Variants in TRAPPC9 observed in about 807,000 individuals in gnomAD.
TRAPPC9 encodes trafficking protein particle complex subunit 9, also known as IKK2 binding protein.
A neutral mutation model predicts 124.0 loss-of-function variants in TRAPPC9; 83 were observed. The ratio of observed to expected loss-of-function variants is 0.67; its 90% CI spans 0.56 to 0.80. The LOEUF is 0.80. Among genes scored for constraint, TRAPPC9 ranks in the 30% least tolerant of loss-of-function variants. The probability of loss-of-function intolerance (pLI) is 0.00; values close to 1 mark genes in which losing one functional copy is unlikely to be tolerated. For synonymous variants in TRAPPC9, 638 were observed against 617.5 expected (o/e 1.03, Z -0.49); for missense variants, 1,302 against 1,508.3 (o/e 0.86, Z 2.27).
At chr8:139,733,913 G>T (rs1000624177) in intron 21 of TRAPPC9, among the ~76,000 whole-genome samples, 1 of 152,232 alleles carries the variant, frequency 6.6e-6, no homozygotes, top group African/African-American at 2.4e-5. Context: ...GGCTCACACG[G>T]TCAGGCCAGA....
chr8:140,370,896 G>C (rs1002979381), intron 8 of TRAPPC9, 68 bp downstream of exon 8: 2 of 1,567,968 alleles, frequency 1.3e-6, no homozygotes, highest in South Asian at 1.1e-5. Context: ...CTCAGGGCAG[G>C]GGCTGAAACA....
chr8:140,134,258 G>C (rs550249861), intron 17 of TRAPPC9, among the ~76,000 whole-genome samples: 1 of 150,018 alleles, frequency 6.7e-6, no homozygotes, highest in East Asian at 1.9e-4. Flanking sequence ...ATAGCCAATT[G>C]ATTGTCTTCT....
chr8:139,856,447 G>A (rs752819275), intron 21 of TRAPPC9, among the ~76,000 whole-genome samples: 6 of 152,120 alleles, frequency 3.9e-5, no homozygotes, highest in Non-Finnish European at 8.8e-5. Flanking sequence ...GGACCGGGAG[G>A]CCAGGAGACT....
At chr8:139,760,532 A>G (rs1408391285) in intron 21 of TRAPPC9, among the ~76,000 whole-genome samples, 1 of 152,240 alleles carries the variant, frequency 6.6e-6, no homozygotes, top group African/African-American at 2.4e-5. Flanking sequence ...ATGAGGCCTT[A>G]ACTTGTACAT....
chr8:140,203,822 T>C (rs2062851842), intron 17 of TRAPPC9, among the ~76,000 whole-genome samples: 1 of 152,196 alleles, frequency 6.6e-6, no homozygotes, highest in Non-Finnish European at 1.5e-5. Context: ...CCCCACTGGC[T>C]GGGTACCAGG....
chr8:139,968,536 C>T (rs539120955), intron 19 of TRAPPC9, among the ~76,000 whole-genome samples: 3 of 152,324 alleles, frequency 2.0e-5, no homozygotes, highest in South Asian at 2.1e-4. Flanking sequence ...GGCAGGGATA[C>T]GTGCATTCAC....
chr8:140,390,566 C>T (rs2068897171), intron 7 of TRAPPC9, among the ~76,000 whole-genome samples: 1 of 152,188 alleles, frequency 6.6e-6, no homozygotes, highest in Non-Finnish European at 1.5e-5. Flanking sequence ...TCTGAAACTC[C>T]AGCCTAAGGA....
intron 19 of TRAPPC9, among the ~76,000 whole-genome samples, chr8:139,961,225 G>A (rs1835356278): frequency 8.0e-6 from 1 of 124,940 alleles, no homozygotes; most frequent in Non-Finnish European, 1.9e-5. Flanking sequence ...AGGGATAGCT[G>A]TGAGCACACA....
intron 16 of TRAPPC9, among the ~76,000 whole-genome samples, chr8:140,246,155 T>C (rs1008910278): frequency 6.6e-6 from 1 of 152,102 alleles, no homozygotes; most frequent in African/African-American, 2.4e-5. Flanking sequence ...TGAAACACAG[T>C]TCGCATCTTT....
At chr8:140,079,950 A>G (rs1411597736) in intron 17 of TRAPPC9, among the ~76,000 whole-genome samples, 1 of 152,100 alleles carries the variant, frequency 6.6e-6, no homozygotes, top group Admixed American at 6.5e-5. Flanking sequence ...TAATAATGAT[A>G]ATAATAAAAA....
rs568064284 is a variant in TRAPPC9, at chr8:139,747,754, G to A, written c.3056-15552C>T. 2.5e-3 allele frequency among the ~76,000 whole-genome samples: 204 copies of A among 81,590 alleles called. 2 individuals carry two copies. Among genetic ancestry groups the A allele is most frequent in the African/African-American group, 7.7e-3 (130 of 16,968 alleles). The allele number at this position is 81,590 out of a possible 152,430, so 53.5% of individuals were successfully genotyped here. Reference sequence around the variant, plus strand: ...TGTGCAGGGATCAGAGAAGATGCAGGGGGTATACACAGCAGGTGTCAGAGC... The same window carrying A: ...TGTGCAGGGATCAGAGAAGATGCAGAGGGTATACACAGCAGGTGTCAGAGC... On this transcript the variant is annotated intron_variant, in intron 21 of 22. Transcript: ENST00000438773.
At chr8:139,772,290 T>G (rs1586811204) in intron 21 of TRAPPC9, among the ~76,000 whole-genome samples, 1 of 152,266 alleles carries the variant, frequency 6.6e-6, no homozygotes, top group Admixed American at 6.5e-5. Flanking sequence ...CCAGACTGAG[T>G]GCCCCACTGG....
intron 17 of TRAPPC9, among the ~76,000 whole-genome samples, chr8:140,068,111 G>C (rs1293824237): frequency 6.6e-6 from 1 of 152,050 alleles, no homozygotes; most frequent in East Asian, 1.9e-4. Context: ...TCAGTCTCCT[G>C]TGTCTGAGCT....
intron 17 of TRAPPC9, among the ~76,000 whole-genome samples, chr8:140,024,546 C>T (rs1840011635): frequency 6.6e-6 from 1 of 152,064 alleles, no homozygotes; most frequent in Admixed American, 6.5e-5. Context: ...TACAGGTGCA[C>T]ACCACCACGC....
intron 20 of TRAPPC9, among the ~76,000 whole-genome samples, chr8:139,903,241 C>G (rs1409289297): frequency 6.6e-6 from 1 of 152,218 alleles, no homozygotes; most frequent in Non-Finnish European, 1.5e-5. Context: ...CTCTGGGTAT[C>G]TAAAGCCATT....
At chr8:139,767,406 G>A (rs923375982) in intron 21 of TRAPPC9, among the ~76,000 whole-genome samples, 1 of 152,228 alleles carries the variant, frequency 6.6e-6, no homozygotes, top group African/African-American at 2.4e-5. Context: ...CAGGATGGCT[G>A]TCCCACAGAG....
intron 17 of TRAPPC9, among the ~76,000 whole-genome samples, chr8:140,034,593 G>A (rs889959683): frequency 6.6e-6 from 1 of 152,232 alleles, no homozygotes; most frequent in Admixed American, 6.5e-5. Context: ...TGAAGAGCAG[G>A]TGCCCCACAT....
At chr8:139,732,345 G>A in intron 21 of TRAPPC9, 143 bp from the exon 22 acceptor site, 1 of 759,540 alleles carries the variant, frequency 1.3e-6, no homozygotes, top group Non-Finnish European at 2.1e-6. Context: ...TGGACACTGG[G>A]GACACAGATG....
At position 139,805,683 on chromosome 8, in the gene TRAPPC9, T is replaced by C. The variant is rs572683737; in HGVS notation, c.3056-73481A>G. ...AATGCAGAGTCCACAAGAGGAGTTA[T>C]AAAAGGAGCCCGTAGCATGAGTGGG... is the stretch of plus-strand genomic sequence containing the variant. On this transcript the variant is annotated intron_variant, in intron 21 of 22. Coordinates refer to ENST00000438773, the MANE Select transcript of TRAPPC9 (RefSeq NM_001160372.4). Among the ~76,000 whole-genome samples, 5 of 152,224 alleles carry C rather than the reference T, an allele frequency of 3.3e-5. 1 individual carries two copies. In the South Asian group the frequency reaches 1.0e-3, roughly 32 times the overall value.
Sources: gnomAD v4.1 joint callset for allele counts (sites outside exome capture counted in the v4.1 genomes callset) on GRCh38, gnomAD v4.1.1 for gene constraint, MANE v1.5 for transcripts, NCBI Gene and HGNC (gene_info 2026-07-23, HGNC 2026-07-21) for gene names.